Variants in UNC13C observed in about 807,000 individuals in gnomAD.
UNC13C encodes unc-13 homolog C.
Under a neutral mutation model 245.4 loss-of-function variants are expected in UNC13C, and 174 were observed. That is an observed-to-expected ratio of 0.71 (90% CI 0.63 to 0.80). UNC13C has a LOEUF of 0.80. Ranked by LOEUF, UNC13C falls within the 30% of genes least tolerant of loss-of-function variation. The probability of loss-of-function intolerance (pLI) is 0.00; values close to 1 mark genes in which losing one functional copy is unlikely to be tolerated. For missense variants in UNC13C, 2,829 were observed against 2,602.9 expected (o/e 1.09, Z -1.89); for synonymous variants, 992 against 895.1 (o/e 1.11, Z -1.93).
intron 4 of UNC13C, among the ~76,000 whole-genome samples, chr15:54,151,613 A>G (rs570175835): frequency 6.6e-6 from 1 of 152,240 alleles, no homozygotes; most frequent in African/African-American, 2.4e-5. Context: ...CAAGTTGCCC[A>G]GGGTGGTTTT....
intron 2 of UNC13C, among the ~76,000 whole-genome samples, chr15:54,130,506 A>G (rs985631521): frequency 4.6e-5 from 7 of 151,780 alleles, no homozygotes; most frequent in African/African-American, 1.7e-4. Context: ...GTTAGCCAGG[A>G]TGGTCTCTAT....
intron 1 of UNC13C, among the ~76,000 whole-genome samples, chr15:54,005,633 G>A (rs1031553663): frequency 1.3e-5 from 2 of 152,162 alleles, no homozygotes. Flanking sequence ...AAATATCATG[G>A]TTCAGACTAT....
At chr15:53,895,060 T>C in the UNC13C span, among the ~76,000 whole-genome samples, 1 of 152,092 alleles carries the variant, frequency 6.6e-6, no homozygotes, top group Non-Finnish European at 1.5e-5. Flanking sequence ...ATTAGGATCA[T>C]TCCTTAGAAA....
At chr15:54,204,405 T>C (rs17732993) in intron 4 of UNC13C, among the ~76,000 whole-genome samples, 4,905 of 151,406 alleles carry the variant, frequency 0.032, 145 homozygotes, top group East Asian at 0.13. Context: ...ATATTAACAG[T>C]AGTATAAGGG....
rs1476332525 is a variant in UNC13C, at chr15:54,545,194, G to A, written c.5697-1528G>A. On this transcript the variant is annotated intron_variant, in intron 26 of 32. Coordinates refer to ENST00000260323, the MANE Select transcript of UNC13C (RefSeq NM_001080534.3). ...ACAAACCTGACAAAAACAAGCAATGGGGAAACGATTCCCTATTTAACAAAT... is the reference window on the plus strand; with the variant it reads ...ACAAACCTGACAAAAACAAGCAATGAGGAAACGATTCCCTATTTAACAAAT... Among the ~76,000 whole-genome samples the A allele has an allele frequency of 2.0e-5, 3 of 152,236 alleles. No individual in the cohort carries two copies. The East Asian group carries it at 5.8e-4, about 29-fold the overall frequency.
chr15:54,471,565 T>G (rs1892463027), intron 19 of UNC13C, among the ~76,000 whole-genome samples: 1 of 151,636 alleles, frequency 6.6e-6, no homozygotes, highest in African/African-American at 2.4e-5. Context: ...TTCCTTCACT[T>G]TCAGTCTATG....
At chr15:53,922,293 G>A in the UNC13C span, among the ~76,000 whole-genome samples, 4 of 152,234 alleles carry the variant, frequency 2.6e-5, no homozygotes, top group South Asian at 2.1e-4. Context: ...TTATAACAGA[G>A]GGCATATATG....
chr15:53,839,523 T>C, the UNC13C span, among the ~76,000 whole-genome samples: 5 of 152,318 alleles, frequency 3.3e-5, no homozygotes, highest in African/African-American at 1.2e-4. Context: ...GTAGCTTTAC[T>C]AATTTTCATC....
Position 54,607,872 on chromosome 15 carries a change from C to A in UNC13C, c.6107-14455C>A, listed in dbSNP as rs1029059354. ...ATCACCTCCCACCCGTTCCCTCCCC[C>A]AACACTGGGGATTACAATTCAACAT... On this transcript the variant is annotated intron_variant, in intron 30 of 32. Coordinates refer to ENST00000260323, the MANE Select transcript of UNC13C (RefSeq NM_001080534.3). 3.9e-5 allele frequency among the ~76,000 whole-genome samples: 6 copies of A among 152,160 alleles called. No individual in the cohort carries two copies. The East Asian group carries it at 1.2e-3, about 29-fold the overall frequency.
At chr15:54,253,377 T>G (rs1442207435) in intron 8 of UNC13C, among the ~76,000 whole-genome samples, 1 of 152,148 alleles carries the variant, frequency 6.6e-6, no homozygotes, top group Non-Finnish European at 1.5e-5. Flanking sequence ...TCTAGCTAAT[T>G]GTACTTGATG....
At chr15:54,217,932 C>T (rs1328743922) in intron 4 of UNC13C, among the ~76,000 whole-genome samples, 2 of 151,942 alleles carry the variant, frequency 1.3e-5, no homozygotes, top group Non-Finnish European at 1.5e-5. Context: ...CCATGGACTA[C>T]TTAATGTCAC....
the UNC13C span, among the ~76,000 whole-genome samples, chr15:53,891,572 G>A: frequency 6.6e-6 from 1 of 152,110 alleles, no homozygotes; most frequent in South Asian, 2.1e-4. Flanking sequence ...ATTTAAGATA[G>A]TTAGCTCTTC....
chr15:54,000,294 C>T (rs1450281628), intron 1 of UNC13C, among the ~76,000 whole-genome samples: 1 of 151,986 alleles, frequency 6.6e-6, no homozygotes, highest in Admixed American at 6.6e-5. Flanking sequence ...AGTTTTGTGC[C>T]CTTAAGCAAG....
rs11504673 is a variant in UNC13C, at chr15:54,147,812, A to G, written c.3071+4128A>G. ...TGCGTGTGTGTGTGTGTGTGTGTGT[A>G]TGTGTGTGTCTATTCTCTAAGCACC... On this transcript the variant is annotated intron_variant, in intron 4 of 32. Coordinates refer to ENST00000260323, the MANE Select transcript of UNC13C (RefSeq NM_001080534.3). Among the ~76,000 whole-genome samples the G allele has an allele frequency of 9.4e-3, 488 of 51,886 alleles. 1 individual carries two copies. Among genetic ancestry groups the G allele is most frequent in the Middle Eastern group, 0.016 (2 of 128 alleles). 34.0% of individuals were successfully genotyped at this position (51,886 alleles called of 152,430 possible). A position where few individuals can be genotyped will look rare whatever the true frequency, so the allele number is the denominator to read the frequency against.
At chr15:53,921,313 T>C in the UNC13C span, among the ~76,000 whole-genome samples, 1 of 152,232 alleles carries the variant, frequency 6.6e-6, no homozygotes, top group African/African-American at 2.4e-5. Context: ...CTTTGTGGGC[T>C]ATTTATGCTT....
chr15:54,262,107 G>C (rs995806512), intron 8 of UNC13C, among the ~76,000 whole-genome samples: 1 of 152,048 alleles, frequency 6.6e-6, no homozygotes, highest in African/African-American at 2.4e-5. Context: ...GATTCCTTTA[G>C]ATGAAAAATC....
At chr15:54,417,838 T>C (rs1567254558) in intron 19 of UNC13C, among the ~76,000 whole-genome samples, 1 of 152,166 alleles carries the variant, frequency 6.6e-6, no homozygotes, top group Non-Finnish European at 1.5e-5. Flanking sequence ...TATGAGTAGA[T>C]TAGTGACATA....
chr15:54,341,070 A>G (rs1278013424), intron 17 of UNC13C, among the ~76,000 whole-genome samples: 1 of 152,256 alleles, frequency 6.6e-6, no homozygotes, highest in Non-Finnish European at 1.5e-5. Context: ...AACTTAAAAC[A>G]GAACTACCAT....
chr15:54,083,182 G>T (rs1018276556), intron 2 of UNC13C, among the ~76,000 whole-genome samples: 1 of 152,126 alleles, frequency 6.6e-6, no homozygotes, highest in Non-Finnish European at 1.5e-5. Context: ...GTCCTGAGCA[G>T]CCAGGAACAC....
Sources: allele counts gnomAD v4.1 joint callset (sites outside exome capture counted in the v4.1 genomes callset), GRCh38; gene constraint gnomAD v4.1.1; transcripts MANE v1.5; gene names NCBI Gene and HGNC (gene_info 2026-07-23, HGNC 2026-07-21).